CADM2: variants seen among roughly 807,000 people sequenced by gnomAD.
CADM2 encodes the protein immunoglobulin superfamily member 4D.
CADM2 carries 12 observed loss-of-function variants against 49.8 expected under a neutral mutation model. The ratio of observed to expected loss-of-function variants is 0.24; its 90% CI spans 0.15 to 0.39. The LOEUF (loss-of-function observed/expected upper bound fraction) is 0.39, where lower values mean the gene tolerates loss of function less well. CADM2 is among the 10% of genes least tolerant of loss of function. The pLI, the probability that CADM2 is intolerant of heterozygous loss-of-function variation, is 1.00. For missense variants in CADM2, 378 were observed against 492.3 expected (o/e 0.77, Z 2.20); for synonymous variants, 214 against 175.4 (o/e 1.22, Z -1.74).
At chr3:85,828,095 C>CTTA (rs2074007583) in intron 3 of CADM2, 1 of 151,930 alleles carries the variant, frequency 6.6e-6, no homozygotes, top group South Asian at 2.1e-4. Flanking sequence ...GCAGGTACCA[C>CTTA]TTACCATTTA....
At chr3:86,032,946 C>T (rs977592563) in intron 8 of CADM2, among the ~76,000 whole-genome samples, 1 of 151,772 alleles carries the variant, frequency 6.6e-6, no homozygotes, top group African/African-American at 2.4e-5. Context: ...TTCTTCATTT[C>T]CTTTGTATTT....
chr3:84,970,319 T>C (rs2107085430), intron 1 of CADM2, among the ~76,000 whole-genome samples: 1 of 151,826 alleles, frequency 6.6e-6, no homozygotes, highest in Non-Finnish European at 1.5e-5. Context: ...ATGGAAATAT[T>C]ATCTGCCTTT....
At chr3:85,556,944 C>G (rs528277851) in intron 1 of CADM2, among the ~76,000 whole-genome samples, 1 of 152,126 alleles carries the variant, frequency 6.6e-6, no homozygotes, top group East Asian at 1.9e-4. Flanking sequence ...GAAAAGTATT[C>G]AAGCAGGACT....
At chr3:85,391,011 AT>A (rs2034492313) in intron 1 of CADM2, among the ~76,000 whole-genome samples, 3 of 152,168 alleles carry the variant, frequency 2.0e-5, no homozygotes, top group Non-Finnish European at 4.4e-5. Flanking sequence ...ACACCTAGGA[AT>A]AATCTGGTTT....
chr3:85,475,412 C>A (rs905971009), intron 1 of CADM2, among the ~76,000 whole-genome samples: 1 of 151,818 alleles, frequency 6.6e-6, no homozygotes, highest in Non-Finnish European at 1.5e-5. Context: ...TTCATTCCTA[C>A]AAAAATATTG....
intron 7 of CADM2, among the ~76,000 whole-genome samples, chr3:85,955,444 T>C (rs944949964): frequency 1.3e-5 from 2 of 151,448 alleles, no homozygotes; most frequent in African/African-American, 4.8e-5. Context: ...TCTCCATTAC[T>C]GAACTTCTTG....
chr3:85,401,413 G>T (rs1053724165), intron 1 of CADM2, among the ~76,000 whole-genome samples: 4 of 152,090 alleles, frequency 2.6e-5, no homozygotes, highest in Non-Finnish European at 5.9e-5. Flanking sequence ...TTCTCCTCAA[G>T]AATCACTGTT....
chr3:85,605,800 C>T (rs563131791), intron 1 of CADM2, among the ~76,000 whole-genome samples: 2 of 152,212 alleles, frequency 1.3e-5, no homozygotes, highest in East Asian at 3.9e-4. Flanking sequence ...CCTTTACACT[C>T]TCCTTAAGTC....
intron 5 of CADM2, among the ~76,000 whole-genome samples, chr3:85,894,828 T>G (rs1714998467): frequency 6.6e-6 from 1 of 152,330 alleles, no homozygotes; most frequent in Non-Finnish European, 1.5e-5. Context: ...GTGGCTTACA[T>G]GCAGTGTTGA....
chr3:85,418,846 G>A (rs6796114), intron 1 of CADM2, among the ~76,000 whole-genome samples: 1,775 of 152,212 alleles, frequency 0.012, 29 homozygotes, highest in African/African-American at 0.041. Context: ...TAGAAGTGAA[G>A]ATAGTAACCA....
At chr3:85,567,821 T>A (rs1037472078) in intron 1 of CADM2, among the ~76,000 whole-genome samples, 1 of 152,172 alleles carries the variant, frequency 6.6e-6, no homozygotes, top group African/African-American at 2.4e-5. Context: ...GGGAAGCCCA[T>A]GGTGTGAATC....
intron 1 of CADM2, among the ~76,000 whole-genome samples, chr3:85,567,232 GGCT>G (rs1445076816): frequency 1.3e-5 from 2 of 152,126 alleles, no homozygotes; most frequent in African/African-American, 4.8e-5. Context: ...AATCTCATCA[GGCT>G]GCTGCATTAT....
At chr3:85,702,660 G>A (rs1370720281) in intron 1 of CADM2, among the ~76,000 whole-genome samples, 2 of 152,066 alleles carry the variant, frequency 1.3e-5, no homozygotes, top group South Asian at 2.1e-4. Flanking sequence ...ATGTAGGTAA[G>A]GTATGATAAC....
At chr3:85,384,301 T>C (rs562819671) in intron 1 of CADM2, among the ~76,000 whole-genome samples, 1 of 152,158 alleles carries the variant, frequency 6.6e-6, no homozygotes, top group East Asian at 1.9e-4. Context: ...TAAATTTTTC[T>C]TTTTTTTCTT....
At chr3:85,504,913 G>GC (rs1289500937) in intron 1 of CADM2, among the ~76,000 whole-genome samples, 2 of 152,170 alleles carry the variant, frequency 1.3e-5, no homozygotes, top group Admixed American at 1.3e-4. Flanking sequence ...GCAGCCGCTG[G>GC]CCCGGGTGCT....
intron 1 of CADM2, among the ~76,000 whole-genome samples, chr3:85,166,124 T>C (rs2040464717): frequency 6.6e-6 from 1 of 151,820 alleles, no homozygotes; most frequent in African/African-American, 2.4e-5. Flanking sequence ...AAATCTGTAG[T>C]CCTGATAACT....
At chr3:85,322,425 CA>C (rs2044638929) in intron 1 of CADM2, among the ~76,000 whole-genome samples, 1 of 149,340 alleles carries the variant, frequency 6.7e-6, no homozygotes, top group Non-Finnish European at 1.5e-5. Flanking sequence ...ATTTAATTCA[CA>C]GGCTGTAATG....
chr3:85,578,198 T>C (rs1487186361), intron 1 of CADM2, among the ~76,000 whole-genome samples: 1 of 152,058 alleles, frequency 6.6e-6, no homozygotes, highest in African/African-American at 2.4e-5. Flanking sequence ...TTAATAGGTG[T>C]CATGTGATGA....
At chr3:85,830,602 C>A (rs888028231) in intron 3 of CADM2, among the ~76,000 whole-genome samples, 4 of 151,694 alleles carry the variant, frequency 2.6e-5, no homozygotes, top group South Asian at 4.2e-4. Context: ...ATTATGAATA[C>A]CAAGGATATT....
Sources: allele counts gnomAD v4.1 joint callset (sites outside exome capture counted in the v4.1 genomes callset), GRCh38; gene constraint gnomAD v4.1.1; transcripts MANE v1.5; gene names NCBI Gene and HGNC (gene_info 2026-07-23, HGNC 2026-07-21).